The following MBD5 variants were observed in gnomAD, a reference collection of about 807,000 sequenced individuals.
The protein encoded by MBD5 is methyl-CpG binding domain protein 5.
In MBD5, 13 loss-of-function variants were observed where a neutral mutation model predicts 117.3. The ratio of observed to expected loss-of-function variants is 0.11; its 90% confidence interval spans 0.07 to 0.18. The LOEUF is 0.18. Among genes scored for constraint, MBD5 ranks in the 10% least tolerant of loss-of-function variants. The pLI is 1.00. For missense variants in MBD5, 1,879 were observed against 2,093.8 expected, an observed-to-expected ratio of 0.90 and a Z score of 2.00; for synonymous variants, 727 against 766.4, an observed-to-expected ratio of 0.95 and a Z score of 0.85.
intron 1 of MBD5, among the ~76,000 whole-genome samples, chr2:148,174,687 T>C (rs1348095677): frequency 2.0e-5 from 3 of 151,650 alleles, no homozygotes; most frequent in Admixed American, 2.0e-4. Flanking sequence ...GTCCAACTGA[T>C]ACAAGAAAAA....
chr2:148,022,366 A>C lies in MBD5; in HGVS notation c.-925+682A>C, dbSNP rs114429031. Among the ~76,000 whole-genome samples the C allele has an allele frequency of 3.6e-3, 554 of 152,156 alleles. 4 individuals carry two copies. Among genetic ancestry groups the C allele is most frequent in the Non-Finnish European group, 6.5e-3 (441 of 67,998 alleles). On this transcript the variant is annotated intron_variant, in intron 1 of 13. Transcript: ENST00000642680. The stretch of plus-strand genomic sequence containing the variant: ...TTTTTTTTGGTTAAATGTCTGTTTC[A>C]TATATCAGTATATAAAGTCCAAAGC...
chr2:148,086,956 G>A (rs528715752), intron 1 of MBD5, among the ~76,000 whole-genome samples: 1 of 152,114 alleles, frequency 6.6e-6, no homozygotes, highest in South Asian at 2.1e-4. Context: ...CCACAATAAT[G>A]ACAGAAAAGA....
At chr2:148,385,860 A>C (rs1183549355) in intron 4 of MBD5, among the ~76,000 whole-genome samples, 1 of 151,030 alleles carries the variant, frequency 6.6e-6, no homozygotes, top group East Asian at 2.0e-4. Context: ...TATCGCAAGG[A>C]CAAAAAACCA....
At chr2:148,316,718 A>T (rs922587188) in intron 3 of MBD5, among the ~76,000 whole-genome samples, 12 of 152,160 alleles carry the variant, frequency 7.9e-5, no homozygotes, top group African/African-American at 1.9e-4. Context: ...TGAACAAATT[A>T]AAAAAATGAA....
At chr2:148,360,941 A>G (rs1574333094) in intron 4 of MBD5, among the ~76,000 whole-genome samples, 1 of 152,134 alleles carries the variant, frequency 6.6e-6, no homozygotes. Context: ...GAGTTTTCCC[A>G]CCATTATTTA....
intron 4 of MBD5, among the ~76,000 whole-genome samples, chr2:148,370,174 T>C (rs769299726): frequency 6.6e-6 from 1 of 152,230 alleles, no homozygotes; most frequent in South Asian, 2.1e-4. Context: ...ACTTGCTTTG[T>C]ATCATAAATT....
chr2:148,232,486 G>GT (rs1281487723), intron 2 of MBD5, among the ~76,000 whole-genome samples: 2 of 151,786 alleles, frequency 1.3e-5, no homozygotes, highest in East Asian at 1.9e-4. Context: ...TACTTTTTTT[G>GT]TTTTTTTCAA....
At chr2:148,465,226 A>T (rs572819486) in intron 7 of MBD5, among the ~76,000 whole-genome samples, 1 of 152,286 alleles carries the variant, frequency 6.6e-6, no homozygotes, top group African/African-American at 2.4e-5. Flanking sequence ...CATTAGACAC[A>T]TAATGTCAGT....
chr2:148,271,836 A>G (rs1700993909), intron 3 of MBD5, among the ~76,000 whole-genome samples: 1 of 152,198 alleles, frequency 6.6e-6, no homozygotes, highest in Non-Finnish European at 1.5e-5. Flanking sequence ...TCATAATACA[A>G]AATACATTTG....
At chr2:148,477,090 G>T (rs1044459831) in intron 8 of MBD5, among the ~76,000 whole-genome samples, 4 of 151,758 alleles carry the variant, frequency 2.6e-5, no homozygotes, top group African/African-American at 9.7e-5. Context: ...GTAACTATAT[G>T]TGTTAAGAAA....
chr2:148,445,060 T>C lies in MBD5; in HGVS notation c.-556-13143T>C, dbSNP rs144821730. ...TCTGAGAAATAGCACCACCCAAGCA[T>C]GTTGCCACACCTTGTCCTACACATT... On this transcript the variant is annotated intron_variant, in intron 4 of 13. Transcript: ENST00000642680. 1.1e-4 allele frequency among the ~76,000 whole-genome samples: 17 copies of C among 151,354 alleles called. 1 individual carries two copies. Among genetic ancestry groups the C allele is most frequent in the African/African-American group, 4.2e-4 (17 of 40,744 alleles).
At chr2:148,097,916 C>G (rs143601864) in intron 1 of MBD5, among the ~76,000 whole-genome samples, 4 of 152,264 alleles carry the variant, frequency 2.6e-5, no homozygotes, top group Admixed American at 1.3e-4. Flanking sequence ...CTTCTAGGAA[C>G]TTCATGAACG....
At chr2:148,414,302 T>C (rs1705356524) in intron 4 of MBD5, among the ~76,000 whole-genome samples, 1 of 152,130 alleles carries the variant, frequency 6.6e-6, no homozygotes, top group Admixed American at 6.6e-5. Flanking sequence ...TTGATTTCGA[T>C]TTTTATTGCA....
intron 1 of MBD5, among the ~76,000 whole-genome samples, chr2:148,162,713 G>C (rs1698037770): frequency 6.6e-6 from 1 of 151,846 alleles, no homozygotes; most frequent in Non-Finnish European, 1.5e-5. Flanking sequence ...AAAGTCTTAG[G>C]AAAAATACAT....
Position 148,386,707 on chromosome 2 carries a change from A to G in MBD5, c.-557+44371A>G, listed in dbSNP as rs111825621. ...GCACTCCAGCCTGGGCGACAGAGCG[A>G]GACTCCGTCTCAAAAAAAAAAAAAA... On this transcript the variant is annotated intron_variant, in intron 4 of 13. Transcript: ENST00000642680. Among the ~76,000 whole-genome samples the G allele has an allele frequency of 5.5e-3, 672 of 123,064 alleles. 6 individuals carry two copies. The highest frequency in any genetic ancestry group is 0.021 in the African/African-American group (651 of 31,290). The allele number at this position is 123,064 out of a possible 152,430, so 80.7% of individuals were successfully genotyped here.
intron 4 of MBD5, among the ~76,000 whole-genome samples, chr2:148,448,305 C>T (rs80273077): frequency 0.017 from 2,549 of 152,064 alleles, 78 homozygotes; most frequent in African/African-American, 0.057. Context: ...AGACCTTACC[C>T]GATACTTTAT....
chr2:148,364,898 C>T (rs751873972), intron 4 of MBD5, among the ~76,000 whole-genome samples: 3 of 152,158 alleles, frequency 2.0e-5, no homozygotes, highest in Admixed American at 6.5e-5. Flanking sequence ...TAGTGAGAGA[C>T]TTTCACACCC....
At chr2:148,314,096 C>G (rs1702099279) in intron 3 of MBD5, among the ~76,000 whole-genome samples, 4 of 151,916 alleles carry the variant, frequency 2.6e-5, no homozygotes, top group Admixed American at 1.3e-4. Flanking sequence ...GTCATCTTGC[C>G]AGCCACCCTG....
intron 1 of MBD5, among the ~76,000 whole-genome samples, chr2:148,079,854 C>G (rs1695602047): frequency 1.1e-5 from 1 of 92,290 alleles, no homozygotes; most frequent in African/African-American, 4.7e-5. Context: ...GAGACTCTGT[C>G]TAAAACAACA....
Sources: allele counts gnomAD v4.1 joint callset (sites outside exome capture counted in the v4.1 genomes callset), GRCh38; gene constraint gnomAD v4.1.1; transcripts MANE v1.5; gene names NCBI Gene and HGNC (gene_info 2026-07-23, HGNC 2026-07-21).